The following TNR variants were observed in gnomAD, a reference collection of about 807,000 sequenced individuals.
TNR encodes the protein tenascin R.
TNR carries 45 observed loss-of-function variants against 150.4 expected under a neutral mutation model. That is an observed-to-expected ratio of 0.30 (90% CI 0.24 to 0.38). TNR has a LOEUF of 0.38. TNR is among the 10% of genes least tolerant of loss of function. The pLI, the probability that TNR is intolerant of heterozygous loss-of-function variation, is 1.00. For synonymous variants in TNR, 687 were observed against 678.4 expected (o/e 1.01, Z -0.20); for missense variants, 1,544 against 1,759.1 (o/e 0.88, Z 2.19).
At chr1:175,634,400 G>A (rs996847350) in intron 1 of TNR, among the ~76,000 whole-genome samples, 1 of 152,190 alleles carries the variant, frequency 6.6e-6, no homozygotes, top group African/African-American at 2.4e-5. Flanking sequence ...TCTGCCTTGT[G>A]TGTGGAGCCA....
intron 1 of TNR, among the ~76,000 whole-genome samples, chr1:175,557,150 C>T (rs139449941): frequency 5.9e-5 from 9 of 152,264 alleles, no homozygotes; most frequent in South Asian, 4.2e-4. Context: ...GAAATGAATT[C>T]GCTAACAACC....
At chr1:175,581,062 C>T (rs571559336) in intron 1 of TNR, among the ~76,000 whole-genome samples, 5 of 152,340 alleles carry the variant, frequency 3.3e-5, no homozygotes, top group African/African-American at 7.2e-5. Flanking sequence ...GGACTGAAAG[C>T]TCAGTGGAAC....
At chr1:175,646,164 T>C (rs186572499) in intron 1 of TNR, among the ~76,000 whole-genome samples, 278 of 152,308 alleles carry the variant, frequency 1.8e-3, no homozygotes, top group African/African-American at 6.0e-3. Context: ...TTCCTTATCC[T>C]TCTACTTAGA....
chr1:175,515,450 C>T (rs1659365490), intron 2 of TNR, among the ~76,000 whole-genome samples: 1 of 152,134 alleles, frequency 6.6e-6, no homozygotes, highest in Admixed American at 6.5e-5. Flanking sequence ...GAGGAGGAGG[C>T]AATGTTCAGG....
chr1:175,634,301 C>T (rs903760586), intron 1 of TNR, among the ~76,000 whole-genome samples: 4 of 152,150 alleles, frequency 2.6e-5, no homozygotes, highest in Admixed American at 1.3e-4. Context: ...CCAGCTCTGC[C>T]GCCTTCCCTC....
chr1:175,725,595 G>C (rs1379723450), intron 1 of TNR, among the ~76,000 whole-genome samples: 1 of 152,152 alleles, frequency 6.6e-6, no homozygotes, highest in East Asian at 1.9e-4. Context: ...TTATTTTAAA[G>C]AAAATAAAGG....
At chr1:175,640,777 G>A (rs542255064) in intron 1 of TNR, among the ~76,000 whole-genome samples, 1 of 122,602 alleles carries the variant, frequency 8.2e-6, no homozygotes, top group East Asian at 2.4e-4. Context: ...ATATATATAT[G>A]TGTGTGTGTG....
intron 18 of TNR, among the ~76,000 whole-genome samples, chr1:175,347,615 A>T (rs1478501755): frequency 6.6e-6 from 1 of 152,010 alleles, no homozygotes; most frequent in Non-Finnish European, 1.5e-5. Context: ...TTTAGTAGAG[A>T]TGGGGTTTCA....
intron 1 of TNR, among the ~76,000 whole-genome samples, chr1:175,732,475 GC>G (rs1667670633): frequency 6.6e-6 from 1 of 152,192 alleles, no homozygotes; most frequent in African/African-American, 2.4e-5. Context: ...GTTAGATGGG[GC>G]TTTGTTTAAA....
chr1:175,609,969 G>A (rs1663539872), intron 1 of TNR, among the ~76,000 whole-genome samples: 1 of 152,136 alleles, frequency 6.6e-6, no homozygotes, highest in East Asian at 1.9e-4. Flanking sequence ...CAAACATGTT[G>A]GAGTTTGGGC....
chr1:175,557,496 C>T (rs1442310611), intron 1 of TNR, among the ~76,000 whole-genome samples: 3 of 152,100 alleles, frequency 2.0e-5, no homozygotes, highest in African/African-American at 4.8e-5. Context: ...ATTCCCTCTC[C>T]CCAGCACCTT....
intron 18 of TNR, 113 bp downstream of exon 18, chr1:175,354,278 G>T: frequency 7.2e-7 from 1 of 1,382,448 alleles, no homozygotes; most frequent in Non-Finnish European, 9.7e-7. Flanking sequence ...GAAGGAGGAG[G>T]CAACTGAGCT....
At chr1:175,595,555 T>G (rs1376179838) in intron 1 of TNR, among the ~76,000 whole-genome samples, 5 of 152,242 alleles carry the variant, frequency 3.3e-5, no homozygotes, top group African/African-American at 1.2e-4. Context: ...TTGCATTGAC[T>G]TAGTTGGCTT....
intron 1 of TNR, among the ~76,000 whole-genome samples, chr1:175,669,232 A>G (rs867443327): frequency 2.0e-4 from 31 of 152,244 alleles, no homozygotes; most frequent in African/African-American, 7.2e-4. Flanking sequence ...TTATCATCAC[A>G]GTCCTGCTCC....
intron 1 of TNR, among the ~76,000 whole-genome samples, chr1:175,565,299 C>T (rs1376105114): frequency 6.6e-6 from 1 of 152,192 alleles, no homozygotes; most frequent in African/African-American, 2.4e-5. Context: ...CTCCCATCCC[C>T]ACCAGAGGTG....
rs746255492 is a variant in TNR at position 175,335,795 on chromosome 1, G to T, written c.3547C>A (p.Arg1183=). The T allele has an allele frequency of 2.7e-5, 44 of 1,613,834 alleles. No individual in the cohort carries two copies. The highest frequency in any genetic ancestry group is 3.6e-5 in the Non-Finnish European group (43 of 1,179,934). ...DGGGWIVFQR[R]QNGQTDFFRK... Reference sequence around the variant, plus strand: ...AAAAAATCAGTTTGGCCATTCTGCCGCCTCTGGAATACCTATGAAGGAAAT... The same window carrying T: ...AAAAAATCAGTTTGGCCATTCTGCCTCCTCTGGAATACCTATGAAGGAAAT... Residue 1183 remains arginine, a synonymous_variant, in exon 20 of 23, where the codon CGG becomes AGG. Transcript: ENST00000367674.
At chr1:175,420,369 A>G (rs765192897) in intron 2 of TNR, among the ~76,000 whole-genome samples, 2 of 152,208 alleles carry the variant, frequency 1.3e-5, no homozygotes. Context: ...CAAATGCCAA[A>G]GTGATACAAG....
At chr1:175,468,601 C>T (rs1439269545) in intron 2 of TNR, among the ~76,000 whole-genome samples, 2 of 152,170 alleles carry the variant, frequency 1.3e-5, no homozygotes, top group East Asian at 1.9e-4. Context: ...GGGAAGAATC[C>T]GATAAAATTA....
Position 175,713,299 on chromosome 1 carries a change from G to A in TNR, c.-165+29927C>T, listed in dbSNP as rs17312201. Among the ~76,000 whole-genome samples the A allele has an allele frequency of 6.7e-3, 1,024 of 152,232 alleles. 11 individuals are homozygous for A. Among genetic ancestry groups the A allele is most frequent in the South Asian group, 0.017 (81 of 4,814 alleles). ...CCTGTGTGACATGTACTGCACAACC[G>A]TCTATGCACAGCAGCTACTTAATAC... On this transcript the variant is annotated intron_variant, in intron 1 of 22. Coordinates refer to ENST00000367674, the MANE Select transcript of TNR (RefSeq NM_003285.3).
Sources: allele counts gnomAD v4.1 joint callset (sites outside exome capture counted in the v4.1 genomes callset), GRCh38; gene constraint gnomAD v4.1.1; transcripts MANE v1.5; gene names NCBI Gene and HGNC (gene_info 2026-07-23, HGNC 2026-07-21).